MPPED2: variants seen among roughly 807,000 people sequenced by gnomAD.
MPPED2 encodes the protein metallophosphoesterase domain containing 2, also known as metallophosphoesterase MPPED2.
MPPED2 carries 5 observed loss-of-function variants against 33.0 expected under a neutral mutation model. The observed-to-expected ratio is 0.15, with a 90% CI of 0.08 to 0.32. The LOEUF (loss-of-function observed/expected upper bound fraction) is 0.32. Ranked by LOEUF, MPPED2 falls within the 10% of genes least tolerant of loss-of-function variation. MPPED2 has a pLI of 1.00. For missense variants in MPPED2, 275 were observed against 372.1 expected, an observed-to-expected ratio of 0.74 and a Z score of 2.15; for synonymous variants, 136 against 141.9, an observed-to-expected ratio of 0.96 and a Z score of 0.29.
chr11:30,505,100 G>A (rs1041717202), intron 3 of MPPED2, among the ~76,000 whole-genome samples: 23 of 152,170 alleles, frequency 1.5e-4, no homozygotes, highest in Admixed American at 1.4e-3. Flanking sequence ...AGTCACTACT[G>A]CATTGCACTG....
chr11:30,414,005 G>C (rs1202899352), intron 6 of MPPED2, among the ~76,000 whole-genome samples: 3 of 152,222 alleles, frequency 2.0e-5, no homozygotes, highest in African/African-American at 7.2e-5. Context: ...TTTGCAGTTA[G>C]TAGACCAGAC....
At chr11:30,523,792 C>T (rs959955851) in intron 3 of MPPED2, among the ~76,000 whole-genome samples, 7 of 151,504 alleles carry the variant, frequency 4.6e-5, no homozygotes, top group Non-Finnish European at 8.8e-5. Context: ...TAGCATTCAG[C>T]GGAGGAAAAC....
chr11:30,490,898 T>TA (rs1287010235), intron 4 of MPPED2, among the ~76,000 whole-genome samples: 1 of 152,152 alleles, frequency 6.6e-6, no homozygotes, highest in Non-Finnish European at 1.5e-5. Flanking sequence ...GCTATTTTCC[T>TA]AGTCTGATGG....
downstream of MPPED2, among the ~76,000 whole-genome samples, chr11:30,405,929 C>T (rs916599746): frequency 2.6e-5 from 4 of 152,122 alleles, no homozygotes; most frequent in Non-Finnish European, 4.4e-5. Flanking sequence ...TAAAAGAGCA[C>T]ATCCAAGGCT....
At chr11:30,508,247 T>C (rs2134286058) in intron 3 of MPPED2, among the ~76,000 whole-genome samples, 1 of 152,330 alleles carries the variant, frequency 6.6e-6, no homozygotes, top group Non-Finnish European at 1.5e-5. Flanking sequence ...AAAAGGTGTT[T>C]GGCATGACAG....
intron 2 of MPPED2, among the ~76,000 whole-genome samples, chr11:30,573,298 A>G (rs1956785502): frequency 2.0e-5 from 3 of 152,204 alleles, no homozygotes; most frequent in Admixed American, 2.0e-4. Context: ...CTGCCCTGCC[A>G]GTGGTATAAA....
intron 2 of MPPED2, among the ~76,000 whole-genome samples, chr11:30,538,233 T>A (rs1432469199): frequency 2.0e-5 from 3 of 152,194 alleles, no homozygotes; most frequent in East Asian, 3.8e-4. Flanking sequence ...ATTCTAATAC[T>A]AACATACAGA....
chr11:30,388,774 T>TCTTC (rs1395260432), exon 7 of MPPED2: 2 of 1,304,094 alleles, frequency 1.5e-6, no homozygotes, highest in Non-Finnish European at 2.0e-6. Flanking sequence ...AGGAGAGGCA[T>TCTTC]CTTCCTTCCT....
chr11:30,510,898 C>A (rs975272132), intron 3 of MPPED2, among the ~76,000 whole-genome samples: 2 of 152,150 alleles, frequency 1.3e-5, no homozygotes, highest in African/African-American at 4.8e-5. Flanking sequence ...GAAAGTGTGG[C>A]CAGATTTCAG....
At chr11:30,578,402 C>T (rs923955409) in intron 2 of MPPED2, among the ~76,000 whole-genome samples, 2 of 152,164 alleles carry the variant, frequency 1.3e-5, no homozygotes, top group Admixed American at 6.5e-5. Context: ...AAGCACTACA[C>T]AGCTGTCTAG....
In MPPED2 at chr11:30,401,860, A is replaced by ATT. The variant is rs61383437; in HGVS notation, c.766+12366_766+12367dup. Among the ~76,000 whole-genome samples the ATT allele has an allele frequency of 1.8e-3, 152 of 86,002 alleles. 2 individuals are homozygous for ATT. The highest frequency in any genetic ancestry group is 4.0e-3 in the African/African-American group (142 of 35,790). The allele number at this position is 86,002 out of a possible 152,430, so 56.4% of individuals were successfully genotyped here. ...CTACCATGGCCAGCTAATTTTTTGTATTTTTTTTTTTTTCTTTTAGTAGAG... is the reference window on the plus strand; with the variant it reads ...CTACCATGGCCAGCTAATTTTTTGTATTTTTTTTTTTTTTTCTTTTAGTAGAG... On this transcript the variant is annotated intron_variant, in intron 6 of 6. Transcript: ENST00000448418.
chr11:30,557,972 C>T (rs1278217738), intron 2 of MPPED2, among the ~76,000 whole-genome samples: 1 of 152,048 alleles, frequency 6.6e-6, no homozygotes, highest in Non-Finnish European at 1.5e-5. Context: ...TAAATAAATA[C>T]GAGTAAAGAT....
At chr11:30,515,949 C>G (rs1953509685) in intron 3 of MPPED2, among the ~76,000 whole-genome samples, 1 of 152,188 alleles carries the variant, frequency 6.6e-6, no homozygotes, top group Non-Finnish European at 1.5e-5. Context: ...TCCACCACAG[C>G]AATTTTCTGC....
chr11:30,443,806 C>G (rs1949686983), intron 4 of MPPED2, among the ~76,000 whole-genome samples: 2 of 152,298 alleles, frequency 1.3e-5, no homozygotes, highest in African/African-American at 4.8e-5. Context: ...ACAGTTCTCA[C>G]CATACGAATG....
chr11:30,494,757 AAAAGAAAG>A (rs1554982031), intron 4 of MPPED2, among the ~76,000 whole-genome samples: 63 of 120,874 alleles, frequency 5.2e-4, no homozygotes, highest in Middle Eastern at 4.2e-3. Context: ...AAAAAAAAAA[AAAAGAAAG>A]AAAGAAAGAA....
At chr11:30,394,064 G>A (rs1947811647) in intron 6 of MPPED2, among the ~76,000 whole-genome samples, 1 of 152,154 alleles carries the variant, frequency 6.6e-6, no homozygotes, top group Non-Finnish European at 1.5e-5. Flanking sequence ...TCAGCATAAT[G>A]TCTTTGCGAT....
chr11:30,432,846 G>C (rs1949142985), intron 4 of MPPED2, among the ~76,000 whole-genome samples: 1 of 152,176 alleles, frequency 6.6e-6, no homozygotes, highest in Non-Finnish European at 1.5e-5. Context: ...TGCCTGGTTG[G>C]AGCTAAAGTG....
At chr11:30,436,986 C>T (rs1190107869) in intron 4 of MPPED2, among the ~76,000 whole-genome samples, 1 of 152,194 alleles carries the variant, frequency 6.6e-6, no homozygotes, top group Non-Finnish European at 1.5e-5. Flanking sequence ...ATGGCTGTCA[C>T]CTCCCTGAAA....
At chr11:30,542,931 C>T (rs1422809950) in intron 2 of MPPED2, among the ~76,000 whole-genome samples, 3 of 152,148 alleles carry the variant, frequency 2.0e-5, no homozygotes, top group Non-Finnish European at 4.4e-5. Flanking sequence ...GCAAATCAGT[C>T]ACCTAACTCT....
Sources: gnomAD v4.1 joint callset for allele counts (sites outside exome capture counted in the v4.1 genomes callset) on GRCh38, gnomAD v4.1.1 for gene constraint, MANE v1.5 for transcripts, NCBI Gene and HGNC (gene_info 2026-07-23, HGNC 2026-07-21) for gene names.